The following COG5 variants were observed in gnomAD, a reference collection of about 807,000 sequenced individuals.
The protein encoded by COG5 is component of oligomeric golgi complex 5, also known as conserved oligomeric Golgi complex subunit 5.
In COG5, 86 loss-of-function variants were observed where a neutral mutation model predicts 110.4. That is an observed-to-expected ratio of 0.78 (90% CI 0.65 to 0.93). The LOEUF is 0.93. COG5 is among the 40% of genes least tolerant of loss of function. The pLI, the probability that COG5 is intolerant of heterozygous loss-of-function variation, is 0.00. For missense variants in COG5, 1,077 were observed against 987.0 expected (o/e 1.09, Z -1.22); for synonymous variants, 360 against 334.6 (o/e 1.08, Z -0.83).
chr7:107,340,860 G>A (rs1180964184), intron 10 of COG5, among the ~76,000 whole-genome samples: 7 of 152,102 alleles, frequency 4.6e-5, no homozygotes, highest in Non-Finnish European at 2.9e-5. Context: ...AAGAAACTGG[G>A]TATCAAAGGA....
At chr7:107,339,874 G>A (rs1562976149) in intron 10 of COG5, among the ~76,000 whole-genome samples, 2 of 151,970 alleles carry the variant, frequency 1.3e-5, no homozygotes, top group Admixed American at 6.6e-5. Context: ...AGTGTTAAGA[G>A]GAAAGTTTTA....
intron 21 of COG5, among the ~76,000 whole-genome samples, 190 bp from the exon 22 acceptor site, chr7:107,203,820 G>T (rs565386860): frequency 2.0e-5 from 3 of 152,136 alleles, no homozygotes; most frequent in Non-Finnish European, 4.4e-5. Context: ...CGGTTACTAC[G>T]TTTAGTGTGA....
intron 6 of COG5, among the ~76,000 whole-genome samples, chr7:107,439,912 T>C (rs963016942): frequency 6.6e-6 from 1 of 152,192 alleles, no homozygotes; most frequent in Non-Finnish European, 1.5e-5. Flanking sequence ...GGCAGGCCTA[T>C]GATTCTGCTG....
At chr7:107,222,990 A>T (rs1800057593) in intron 19 of COG5, among the ~76,000 whole-genome samples, 1 of 152,296 alleles carries the variant, frequency 6.6e-6, no homozygotes, top group South Asian at 2.1e-4. Context: ...CCAATCATGA[A>T]GTAAAGTAAG....
chr7:107,297,062 C>T (rs1337926871), intron 12 of COG5, among the ~76,000 whole-genome samples: 1 of 152,092 alleles, frequency 6.6e-6, no homozygotes, highest in Non-Finnish European at 1.5e-5. Context: ...AATATGGCTC[C>T]TAAATATGGC....
intron 14 of COG5, among the ~76,000 whole-genome samples, chr7:107,280,727 A>T (rs1323728653): frequency 6.6e-6 from 1 of 152,042 alleles, no homozygotes; most frequent in African/African-American, 2.4e-5. Context: ...ATTATGATTC[A>T]ATTATGTACT....
intron 11 of COG5, among the ~76,000 whole-genome samples, chr7:107,309,274 A>C (rs1026095635): frequency 6.6e-6 from 1 of 152,156 alleles, no homozygotes; most frequent in Admixed American, 6.5e-5. Flanking sequence ...CAGTCTGAAA[A>C]TAACAAGTCT....
rs185475539 is a variant in COG5, at chr7:107,552,721, A to G, written c.292+1564T>C. Among the ~76,000 whole-genome samples, 659 of 152,334 alleles carry G rather than the reference A, an allele frequency of 4.3e-3. 2 individuals carry two copies. The highest frequency in any genetic ancestry group is 7.0e-3 in the Non-Finnish European group (475 of 68,018). ...TGGAAAGCAGTTTGGCGATTTCTCA[A>G]ATAACTCAGAACTACCATTTGACCC... On this transcript the variant is annotated intron_variant, in intron 3 of 21. Transcript: ENST00000297135.
At chr7:107,349,596 C>T (rs902341815) in intron 10 of COG5, among the ~76,000 whole-genome samples, 11 of 151,784 alleles carry the variant, frequency 7.2e-5, no homozygotes, top group African/African-American at 2.7e-4. Context: ...CTCGCTCTGT[C>T]GCCCAGGCTG....
chr7:107,505,259 T>C (rs1415532569), intron 6 of COG5, among the ~76,000 whole-genome samples: 1 of 152,140 alleles, frequency 6.6e-6, no homozygotes, highest in Non-Finnish European at 1.5e-5. Flanking sequence ...GTAAATGCAA[T>C]ACCCAATGGT....
In COG5 at chr7:107,324,494, A is replaced by T; in HGVS notation, c.1054T>A (p.Phe352Ile). The change falls in exon 11 of 22, where the codon TTT (phenylalanine) becomes ATT (isoleucine). Residue 352 changes from phenylalanine (F) to isoleucine (I), a missense_variant. Coordinates refer to ENST00000297135, the MANE Select transcript of COG5 (RefSeq NM_006348.5). The stretch of plus-strand genomic sequence containing the variant: ...AGTGCCTGAGTAACTGAATTCCAAA[A>T]TGTGTAGAAAATTTCCGGTTGTCCA... Reference protein sequence around the residue: ...KDGQPEIFYTFWNSVTQALSS... With the variant: ...KDGQPEIFYTIWNSVTQALSS... 1 of 1,606,156 alleles carries T rather than the reference A, an allele frequency of 6.2e-7. No homozygotes were observed. Among genetic ancestry groups the T allele is most frequent in the Non-Finnish European group, 8.5e-7 (1 of 1,175,786 alleles).
At chr7:107,432,315 C>CA (rs1794079391) in intron 6 of COG5, among the ~76,000 whole-genome samples, 1 of 152,050 alleles carries the variant, frequency 6.6e-6, no homozygotes, top group South Asian at 2.1e-4. Context: ...AAAGTAAACA[C>CA]AGAGAGGTCA....
chr7:107,520,610 G>C (rs975421547), intron 6 of COG5, among the ~76,000 whole-genome samples: 1 of 152,076 alleles, frequency 6.6e-6, no homozygotes, highest in East Asian at 1.9e-4. Flanking sequence ...CCTCTTCAAG[G>C]AGAACTACAA....
At chr7:107,348,125 CAAAAAAAAAA>C (rs34140927) in intron 10 of COG5, among the ~76,000 whole-genome samples, 3 of 51,248 alleles carry the variant, frequency 5.9e-5, no homozygotes, top group South Asian at 1.9e-3. Flanking sequence ...GACTCCATCT[CAAAAAAAAAA>C]AAAAAAAAAA....
At chr7:107,468,284 A>C (rs1796421901) in intron 6 of COG5, among the ~76,000 whole-genome samples, 1 of 152,132 alleles carries the variant, frequency 6.6e-6, no homozygotes, top group African/African-American at 2.4e-5. Flanking sequence ...TCTGATGATA[A>C]ACATAAGCAA....
At chr7:107,268,419 G>A (rs959302253) in intron 14 of COG5, among the ~76,000 whole-genome samples, 1 of 152,082 alleles carries the variant, frequency 6.6e-6, no homozygotes, top group Non-Finnish European at 1.5e-5. Flanking sequence ...CAGGAAAAAA[G>A]GTTCATTACC....
chr7:107,457,894 T>C (rs1186927678), intron 6 of COG5, among the ~76,000 whole-genome samples: 1 of 151,976 alleles, frequency 6.6e-6, no homozygotes, highest in Admixed American at 6.6e-5. Context: ...TGAATATCAG[T>C]GAACCCCAAG....
At chr7:107,264,963 C>T (rs572197427) in intron 14 of COG5, among the ~76,000 whole-genome samples, 62 of 151,528 alleles carry the variant, frequency 4.1e-4, no homozygotes, top group Non-Finnish European at 8.1e-4. Flanking sequence ...AAAAAAAAAG[C>T]AAAAATGTAA....
chr7:107,488,930 A>C (rs1797818876), intron 6 of COG5, among the ~76,000 whole-genome samples: 1 of 152,104 alleles, frequency 6.6e-6, no homozygotes, highest in South Asian at 2.1e-4. Context: ...TATTTCCCCA[A>C]AGTTATAATG....
Sources: allele counts gnomAD v4.1 joint callset (sites outside exome capture counted in the v4.1 genomes callset), GRCh38; gene constraint gnomAD v4.1.1; transcripts MANE v1.5; gene names NCBI Gene and HGNC (gene_info 2026-07-23, HGNC 2026-07-21).